The following FRMPD2 variants were observed in gnomAD, a reference collection of about 807,000 sequenced individuals.
FRMPD2 encodes the protein FERM and PDZ domain-containing protein 2.
Under a neutral mutation model 140.1 loss-of-function variants are expected in FRMPD2, and 96 were observed. The observed-to-expected ratio is 0.69, with a 90% CI of 0.58 to 0.81. FRMPD2 has a LOEUF of 0.81. FRMPD2 is among the 40% of genes least tolerant of loss of function. FRMPD2 has a pLI of 0.00. For synonymous variants in FRMPD2, 449 were observed against 547.6 expected (o/e 0.82, Z 2.52); for missense variants, 1,240 against 1,447.4 (o/e 0.86, Z 2.32).
At chr10:48,240,326 G>A (rs1375672187) in intron 6 of FRMPD2, 34 bp downstream of exon 6, 3 of 1,600,272 alleles carry the variant, frequency 1.9e-6, no homozygotes, top group Admixed American at 1.7e-5. Context: ...GGTACCATCA[G>A]CCCACGCAGG....
chr10:48,245,287 A>C (rs1840218821), intron 3 of FRMPD2, among the ~76,000 whole-genome samples: 1 of 152,218 alleles, frequency 6.6e-6, no homozygotes, highest in Non-Finnish European at 1.5e-5. Flanking sequence ...CACAGCCTGG[A>C]TCCTTGATGA....
In FRMPD2 at chr10:48,251,648, G is replaced by A; in HGVS notation, c.69C>T (p.Val23=). 1 of 1,614,190 alleles carries A rather than the reference G, an allele frequency of 6.2e-7. No individual in the cohort carries two copies. The highest frequency in any genetic ancestry group is 8.5e-7 in the Non-Finnish European group (1 of 1,180,026). The change falls in exon 2 of 29, where the codon GTC becomes GTT. Residue 23 remains valine, a synonymous_variant. Transcript: ENST00000374201. ...CCTCCTCAGACAGAGCTTCACCCCT[G>A]ACCTGTAGGGCGCTGGCCAGCGTCA... ...SSVTLASALQ[V]RGEALSEEEI...
At chr10:48,216,290 G>GGATAGATAGATAGATA (rs71788001) in intron 12 of FRMPD2, among the ~76,000 whole-genome samples, 40 of 149,676 alleles carry the variant, frequency 2.7e-4, no homozygotes, top group East Asian at 9.9e-4. Context: ...CATAGATGAT[G>GGATAGATAGATAGATA]GATAGATAGA....
rs561458822 is a variant in FRMPD2, at chr10:48,239,583, C to T, written c.788+22G>A. 6 of 1,593,950 alleles carry T rather than the reference C, an allele frequency of 3.8e-6. No individual in the cohort carries two copies. In the Admixed American group the frequency reaches 8.3e-5, roughly 22 times the overall value. ...TATGTCTCACATCAAGTTCACAGCA[C>T]CCTTTAGGCCTTGCTGCTTACCGGT... On this transcript the variant is annotated intron_variant, in intron 7 of 28. Transcript: ENST00000374201.
intron 1 of FRMPD2, among the ~76,000 whole-genome samples, chr10:48,270,099 T>C (rs141420809): frequency 3.5e-4 from 53 of 152,190 alleles, no homozygotes; most frequent in African/African-American, 1.1e-3. Context: ...CAGTAGGTAA[T>C]TGAGAAAGTG....
At chr10:48,198,073 C>T (rs546485011) in intron 15 of FRMPD2, among the ~76,000 whole-genome samples, 7 of 152,294 alleles carry the variant, frequency 4.6e-5, no homozygotes, top group East Asian at 3.9e-4. Flanking sequence ...CATAGCACTT[C>T]GTAAATGCTC....
chr10:48,210,422 T>C (rs951483489), intron 13 of FRMPD2, among the ~76,000 whole-genome samples: 2 of 152,238 alleles, frequency 1.3e-5, no homozygotes, highest in African/African-American at 4.8e-5. Flanking sequence ...CAATCATTTT[T>C]CATCGTTCAA....
chr10:48,158,083 C>T (rs1837832822), intron 28 of FRMPD2, among the ~76,000 whole-genome samples: 1 of 150,684 alleles, frequency 6.6e-6, no homozygotes, highest in Non-Finnish European at 1.5e-5. Context: ...AAGCTCCTTG[C>T]CCTCTGGTTT....
intron 15 of FRMPD2, among the ~76,000 whole-genome samples, chr10:48,194,520 C>T (rs139447500): frequency 6.6e-6 from 1 of 152,096 alleles, no homozygotes; most frequent in Admixed American, 6.6e-5. Flanking sequence ...GAGGCAAGGT[C>T]GCAGCTCAGA....
chr10:48,248,204 C>T (rs1217656592), intron 3 of FRMPD2, among the ~76,000 whole-genome samples: 1 of 152,152 alleles, frequency 6.6e-6, no homozygotes, highest in Non-Finnish European at 1.5e-5. Flanking sequence ...CCCACCATGC[C>T]CCATCCAGTG....
chr10:48,187,611 C>T (rs929863889), intron 16 of FRMPD2, among the ~76,000 whole-genome samples: 1 of 152,092 alleles, frequency 6.6e-6, no homozygotes, highest in African/African-American at 2.4e-5. Flanking sequence ...TTTTTTCAAC[C>T]ATAAAATAAG....
At chr10:48,255,723 C>G (rs1171068525) in intron 1 of FRMPD2, among the ~76,000 whole-genome samples, 1 of 152,110 alleles carries the variant, frequency 6.6e-6, no homozygotes, top group Non-Finnish European at 1.5e-5. Context: ...CTGAAGTGGT[C>G]AAGGAAGGCA....
At chr10:48,257,333 G>A (rs1029887336) in intron 1 of FRMPD2, among the ~76,000 whole-genome samples, 3 of 151,944 alleles carry the variant, frequency 2.0e-5, no homozygotes, top group African/African-American at 4.8e-5. Context: ...TGGCTGGAGT[G>A]TAGTGGCGTG....
chr10:48,175,188 C>T, intron 23 of FRMPD2: 1 of 488,632 alleles, frequency 2.0e-6, no homozygotes, highest in Non-Finnish European at 3.8e-6. Flanking sequence ...CTATTATTGG[C>T]TCACAGAATG....
chr10:48,243,833 C>T (rs535015635), intron 4 of FRMPD2, among the ~76,000 whole-genome samples: 107 of 152,288 alleles, frequency 7.0e-4, no homozygotes, highest in African/African-American at 2.5e-3. Context: ...GGGAGGGATC[C>T]AGTCTAGCCA....
intron 16 of FRMPD2, among the ~76,000 whole-genome samples, chr10:48,190,016 C>T (rs1366541844): frequency 6.6e-6 from 1 of 152,210 alleles, no homozygotes; most frequent in Non-Finnish European, 1.5e-5. Flanking sequence ...GGTCACACAG[C>T]ACTAGACCAC....
At chr10:48,175,681 A>G (rs1838389301) in intron 23 of FRMPD2, among the ~76,000 whole-genome samples, 165 bp downstream of exon 23, 1 of 151,986 alleles carries the variant, frequency 6.6e-6, no homozygotes, top group Non-Finnish European at 1.5e-5. Context: ...GGCAGGTTCT[A>G]TCACCTCCTT....
chr10:48,221,978 TTGGA>T lies in FRMPD2; in HGVS notation c.1455+331_1455+334del, dbSNP rs71026203. 3.9e-3 allele frequency among the ~76,000 whole-genome samples: 537 copies of T among 136,388 alleles called. 4 individuals carry two copies. The highest frequency in any genetic ancestry group is 9.5e-3 in the South Asian group (37 of 3,882). 89.5% of individuals were successfully genotyped at this position (136,388 alleles called of 152,430 possible). The stretch of plus-strand genomic sequence containing the variant: ...GGTGGGTGGGTGGATGGATGGATGG[TTGGA>T]TGGATGGATGGATGGATGGATGGAT... On this transcript the variant is annotated intron_variant, in intron 12 of 28. Transcript: ENST00000374201.
intron 1 of FRMPD2, among the ~76,000 whole-genome samples, chr10:48,270,031 C>T (rs1840740104): frequency 1.3e-5 from 2 of 152,126 alleles, no homozygotes; most frequent in Admixed American, 1.3e-4. Flanking sequence ...GAAGGTCAAA[C>T]CGAAAGTGAC....
Sources: allele counts gnomAD v4.1 joint callset (sites outside exome capture counted in the v4.1 genomes callset), GRCh38; gene constraint gnomAD v4.1.1; transcripts MANE v1.5; gene names NCBI Gene and HGNC (gene_info 2026-07-23, HGNC 2026-07-21).